BRCA2: variants seen among roughly 807,000 people sequenced by gnomAD.
The protein encoded by BRCA2 is breast cancer type 2 susceptibility protein.
A neutral mutation model predicts 276.7 loss-of-function variants in BRCA2; 203 were observed. The observed-to-expected ratio is 0.73, with a 90% CI of 0.65 to 0.82. BRCA2 has a LOEUF of 0.82. Among genes scored for constraint, BRCA2 ranks in the 40% least tolerant of loss-of-function variants. The pLI, the probability that BRCA2 is intolerant of heterozygous loss-of-function variation, is 0.00. For missense variants in BRCA2, 3,920 were observed against 3,915.0 expected (o/e 1.00, Z -0.03); for synonymous variants, 1,289 against 1,338.4 (o/e 0.96, Z 0.81).
chr13:32,384,009 A>C (rs1354613140), intron 24 of BRCA2, among the ~76,000 whole-genome samples: 1 of 152,226 alleles, frequency 6.6e-6, no homozygotes, highest in African/African-American at 2.4e-5. Flanking sequence ...AGGAAACATG[A>C]CCATCGTGAT....
chr13:32,333,542 G>A (rs1305829955), intron 10 of BRCA2, among the ~76,000 whole-genome samples, 155 bp downstream of exon 10: 2 of 152,072 alleles, frequency 1.3e-5, no homozygotes, highest in Non-Finnish European at 2.9e-5. Flanking sequence ...AATTACCAGT[G>A]TTTAGAATCA....
chr13:32,356,575 G>A lies in BRCA2; in HGVS notation c.7583G>A (p.Gly2528Glu), dbSNP rs80358986. ...LPRISLKAAV[G>E]GQVPSACSHK... The stretch of plus-strand genomic sequence containing the variant: ...CGAATCTCTCTGAAAGCAGCAGTAG[G>A]AGGCCAAGTTCCCTCTGCGTGTTCT... Residue 2528 changes from glycine (G) to glutamate (E), a missense_variant, in exon 15 of 27, where the codon GGA (glycine) becomes GAA (glutamate). Transcript: ENST00000380152. The A allele has an allele frequency of 6.2e-7, 1 of 1,614,190 alleles. No individual in the cohort carries two copies. The highest frequency in any genetic ancestry group is 1.7e-5 in the Admixed American group (1 of 60,030).
At chr13:32,362,757 CTG>C (rs1336985141) in intron 17 of BRCA2, 64 bp downstream of exon 17, 2 of 1,562,136 alleles carry the variant, frequency 1.3e-6, no homozygotes, top group Admixed American at 3.4e-5. Context: ...TCTGTGTAGT[CTG>C]TGACTTCCAT....
rs2072530900 is a variant in BRCA2 at position 32,339,854 on chromosome 13, T to G, written c.5499T>G (p.Asn1833Lys). The G allele has an allele frequency of 1.2e-6, 2 of 1,613,370 alleles. No homozygotes were observed. Among genetic ancestry groups the G allele is most frequent in the Non-Finnish European group, 1.7e-6 (2 of 1,179,608 alleles). The part of the protein sequence containing the change: ...KNAAIKLSIS[N>K]SNNFEVGPPA... ...CAGCCATTAAATTGTCCATATCTAA[T>G]AGTAATAATTTTGAGGTAGGGCCAC... The change falls in exon 11 of 27, where the codon AAT (asparagine) becomes AAG (lysine). Residue 1833 changes from asparagine (N) to lysine (K), a missense_variant. Physicochemically the swap from Asn to Lys is moderately conservative, Grantham distance 94. Coordinates refer to ENST00000380152, the MANE Select transcript of BRCA2 (RefSeq NM_000059.4).
chr13:32,389,672 C>T (rs974954345), intron 24 of BRCA2, among the ~76,000 whole-genome samples: 1 of 152,186 alleles, frequency 6.6e-6, no homozygotes, highest in African/African-American at 2.4e-5. Context: ...TATTTAAATG[C>T]ATTTTCAACT....
intron 24 of BRCA2, among the ~76,000 whole-genome samples, chr13:32,380,534 C>CTTTTTT (rs11451886): frequency 9.8e-6 from 1 of 101,720 alleles, no homozygotes; most frequent in Non-Finnish European, 1.9e-5. Context: ...CAGAGTCAAG[C>CTTTTTT]TTTTTTTTTT....
At chr13:32,387,952 G>A (rs779082765) in intron 24 of BRCA2, among the ~76,000 whole-genome samples, 8 of 152,020 alleles carry the variant, frequency 5.3e-5, no homozygotes, top group East Asian at 3.9e-4. Context: ...AAGCCCAGCC[G>A]TTCGGGCCGC....
intron 2 of BRCA2, among the ~76,000 whole-genome samples, chr13:32,317,648 A>C (rs1253950131): frequency 2.0e-5 from 3 of 152,236 alleles, no homozygotes; most frequent in Middle Eastern, 3.2e-3. Flanking sequence ...ACTATTTTAA[A>C]AATCTCATTC....
chr13:32,332,203 G>A (rs1224878870), intron 9 of BRCA2, 69 bp from the exon 10 acceptor site: 2 of 1,387,608 alleles, frequency 1.4e-6, no homozygotes, highest in Non-Finnish European at 2.0e-6. Flanking sequence ...CTATGAGAAA[G>A]GTTGTGAGAA....
At position 32,398,307 on chromosome 13, in the gene BRCA2, G is replaced by A. The variant is rs899192725; in HGVS notation, c.9794G>A (p.Cys3265Tyr). ...GEKEIDDQKN[C>Y]KKRRALDFLS... ...AAAGAGATTGATGACCAAAAGAACT[G>A]CAAAAAGAGAAGAGCCTTGGATTTC... Residue 3265 changes from cysteine to tyrosine, a missense_variant, in exon 27 of 27, where the codon TGC (cysteine) becomes TAC (tyrosine). By Grantham distance (194) the Cys-to-Tyr change is radical. Coordinates refer to ENST00000380152, the MANE Select transcript of BRCA2 (RefSeq NM_000059.4). 1 of 1,614,120 alleles carries A rather than the reference G, an allele frequency of 6.2e-7. No homozygotes were observed. Among genetic ancestry groups the A allele is most frequent in the Non-Finnish European group, 8.5e-7 (1 of 1,180,024 alleles).
At position 32,316,438 on chromosome 13, in the gene BRCA2, T is replaced by C. The variant is rs757349122; in HGVS notation, c.-23T>C. 10 of 1,605,746 alleles carry C rather than the reference T, an allele frequency of 6.2e-6. No homozygotes were observed. The South Asian group carries it at 1.1e-4, about 18-fold the overall frequency. ...GTTTTGCAGACTTATTTACCAAGCA[T>C]TGGAGGAATATCGTAGGTAAAAATG... On this transcript the variant is annotated 5_prime_UTR_variant, in exon 2 of 27. Transcript: ENST00000380152.
chr13:32,378,392 A>G (rs1454321412), intron 21 of BRCA2, among the ~76,000 whole-genome samples: 1 of 152,232 alleles, frequency 6.6e-6, no homozygotes, highest in African/African-American at 2.4e-5. Flanking sequence ...TTCTTTGAGG[A>G]GAACGTAGGC....
intron 18 of BRCA2, among the ~76,000 whole-genome samples, chr13:32,364,616 G>A (rs2072768489): frequency 2.1e-5 from 3 of 142,250 alleles, no homozygotes; most frequent in South Asian, 4.7e-4. Context: ...ATACCTAATC[G>A]ACTGTGATCA....
At chr13:32,323,163 T>G (rs2072318095) in intron 3 of BRCA2, among the ~76,000 whole-genome samples, 1 of 149,974 alleles carries the variant, frequency 6.7e-6, no homozygotes, top group African/African-American at 2.4e-5. Context: ...TTTTTTTTTT[T>G]TTTTTTGGAG....
chr13:32,357,652 T>A, intron 15 of BRCA2, 90 bp from the exon 16 acceptor site: 1 of 1,399,684 alleles, frequency 7.1e-7, no homozygotes, highest in Non-Finnish European at 9.7e-7. Flanking sequence ...TTTGGTAAAT[T>A]CAGTTTTGGT....
chr13:32,328,029 CA>C (rs1156631042), intron 7 of BRCA2, among the ~76,000 whole-genome samples: 1 of 152,016 alleles, frequency 6.6e-6, no homozygotes, highest in African/African-American at 2.4e-5. Context: ...AAGCAGCCAC[CA>C]CACCCACCTG....
In BRCA2 at chr13:32,337,982, A is replaced by G. The variant is rs1555283317; in HGVS notation, c.3627A>G (p.Thr1209=). Reference sequence around the variant, plus strand: ...ACAAAAGTGCTTCTGGTTATTTAACAGATGAAAATGAAGTGGGGTTTAGGG... The same window carrying G: ...ACAAAAGTGCTTCTGGTTATTTAACGGATGAAAATGAAGTGGGGTTTAGGG... ...DCNKSASGYL[T]DENEVGFRGF... Residue 1209 remains threonine (T), a synonymous_variant, in exon 11 of 27, where the codon ACA becomes ACG. Coordinates refer to ENST00000380152, the MANE Select transcript of BRCA2 (RefSeq NM_000059.4). 3 of 1,613,576 alleles carry G rather than the reference A, an allele frequency of 1.9e-6. No individual in the cohort carries two copies. The highest frequency in any genetic ancestry group is 1.1e-5 in the South Asian group (1 of 91,058).
chr13:32,359,330 G>T (rs2072723674), intron 16 of BRCA2, among the ~76,000 whole-genome samples: 1 of 151,466 alleles, frequency 6.6e-6, no homozygotes, highest in Non-Finnish European at 1.5e-5. Context: ...TATTTTAATG[G>T]ATACAAAATA....
chr13:32,341,774 A>G (rs1233425579), intron 11 of BRCA2, among the ~76,000 whole-genome samples: 2 of 151,316 alleles, frequency 1.3e-5, no homozygotes, highest in Admixed American at 1.3e-4. Flanking sequence ...AGGCTGAGGC[A>G]GGAGAATGGC....
Sources: gnomAD v4.1 joint callset for allele counts (sites outside exome capture counted in the v4.1 genomes callset) on GRCh38, gnomAD v4.1.1 for gene constraint, MANE v1.5 for transcripts, NCBI Gene and HGNC (gene_info 2026-07-23, HGNC 2026-07-21) for gene names.